Variants in CACNA1D observed in about 807,000 individuals in gnomAD.
CACNA1D encodes calcium voltage-gated channel subunit alpha1 D.
CACNA1D carries 55 observed loss-of-function variants against 257.1 expected under a neutral mutation model. That is an observed-to-expected ratio of 0.21 (90% CI 0.17 to 0.27). The LOEUF is 0.27. CACNA1D is among the 10% of genes least tolerant of loss of function. CACNA1D has a pLI of 1.00. For synonymous variants in CACNA1D, 980 were observed against 1,014.9 expected (o/e 0.97, Z 0.65); for missense variants, 1,876 against 2,784.0 (o/e 0.67, Z 7.34).
chr3:53,527,929 G>A (rs887713830), intron 3 of CACNA1D, among the ~76,000 whole-genome samples: 4 of 152,010 alleles, frequency 2.6e-5, no homozygotes, highest in Non-Finnish European at 5.9e-5. Flanking sequence ...AGAACTTCTG[G>A]AATCATTCTG....
chr3:53,648,648 G>C (rs1226419560), intron 3 of CACNA1D, among the ~76,000 whole-genome samples: 1 of 152,084 alleles, frequency 6.6e-6, no homozygotes, highest in African/African-American at 2.4e-5. Context: ...TCGTAGCTCT[G>C]AGCGTGGCAT....
In CACNA1D at chr3:53,789,741, C is replaced by T. The variant is rs114483506; in HGVS notation, c.4923+2789C>T. On this transcript the variant is annotated intron_variant, in intron 40 of 47. Coordinates refer to ENST00000350061, the MANE Select transcript of CACNA1D (RefSeq NM_001128840.3). The surrounding 1 kb of genome is among the most constrained non-coding windows in gnomAD (Gnocchi z 4.2). Reference sequence around the variant, plus strand: ...CCTAGGCATGTGCGTGCTTGTGCTGCGTAGGGTGCAGTCTGTCTGAACAGC... The same window carrying T: ...CCTAGGCATGTGCGTGCTTGTGCTGTGTAGGGTGCAGTCTGTCTGAACAGC... 8.5e-3 allele frequency among the ~76,000 whole-genome samples: 1,288 copies of T among 152,350 alleles called. 8 individuals are homozygous for T. The highest frequency in any genetic ancestry group is 0.013 in the Non-Finnish European group (886 of 68,032).
chr3:53,781,490 C>A, intron 38 of CACNA1D, 76 bp from the exon 39 acceptor site: 1 of 960,186 alleles, frequency 1.0e-6, no homozygotes, highest in Non-Finnish European at 1.7e-6. Context: ...CAGGCTGGGA[C>A]AAGGCTGTGC....
intron 42 of CACNA1D, 33 bp from the exon 43 acceptor site, chr3:53,802,114 C>T: frequency 1.9e-6 from 3 of 1,570,630 alleles, no homozygotes; most frequent in Non-Finnish European, 2.6e-6. Context: ...TTTATCTTCT[C>T]CCTCCTTCCC....
chr3:53,723,364 T>C lies in CACNA1D; in HGVS notation c.1667-70T>C, dbSNP rs534802821. On this transcript the variant is annotated intron_variant, in intron 12 of 47. Transcript: ENST00000350061. This position sits in a 1 kb window ranked among gnomAD's most constrained non-coding sequence, Gnocchi z 5.6. ...CTGTGGGGCCTGATAGGGAGGGAGG[T>C]GTGAGGGGCACGAGCAGTCTGAGTG... 1.1e-4 allele frequency: 119 copies of C among 1,065,734 alleles called. 2 individuals carry two copies. The Admixed American group carries it at 1.3e-3, about 12-fold the overall frequency. 66.0% of individuals were successfully genotyped at this position (1,065,734 alleles called of 1,614,324 possible).
rs2090299374 is a variant in CACNA1D at position 53,495,373 on chromosome 3, AGG to A, written c.67+143_67+144del. 1 of 954,102 alleles carries A rather than the reference AGG, an allele frequency of 1.0e-6. No individual in the cohort carries two copies. Among genetic ancestry groups the A allele is most frequent in the African/African-American group, 1.6e-5 (1 of 62,360 alleles). 59.1% of individuals were successfully genotyped at this position (954,102 alleles called of 1,614,324 possible). A position where few individuals can be genotyped will look rare whatever the true frequency, so the allele number is the denominator to read the frequency against. ...CCAGCTCGGTGTCGTCTACACAGAGAGGGGACATGCGTGACAGCCACTCCGCG... is the reference window on the plus strand; with the variant it reads ...CCAGCTCGGTGTCGTCTACACAGAGAGGACATGCGTGACAGCCACTCCGCG... On this transcript the variant is annotated intron_variant, in intron 1 of 47. Coordinates refer to ENST00000350061, the MANE Select transcript of CACNA1D (RefSeq NM_001128840.3). The surrounding 1 kb of genome is among the most constrained non-coding windows in gnomAD (Gnocchi z 5.1).
chr3:53,661,890 C>T (rs927905021), intron 5 of CACNA1D, among the ~76,000 whole-genome samples: 5 of 152,298 alleles, frequency 3.3e-5, no homozygotes, highest in Admixed American at 2.0e-4. Flanking sequence ...TAACTCTCCC[C>T]CAGGTCAGCA....
intron 37 of CACNA1D, among the ~76,000 whole-genome samples, chr3:53,777,651 C>T (rs1001037602): frequency 3.3e-5 from 5 of 152,162 alleles, no homozygotes; most frequent in Admixed American, 2.6e-4. Context: ...GTGTTCCACA[C>T]GTCCCCTCTG....
chr3:53,711,167 A>C (rs1576427075), intron 9 of CACNA1D, among the ~76,000 whole-genome samples: 1 of 152,242 alleles, frequency 6.6e-6, no homozygotes, highest in South Asian at 2.1e-4. Flanking sequence ...GGATTGCATA[A>C]GCCCAGGAGT....
At position 53,812,963 on chromosome 3, in the gene CACNA1D, TG is replaced by T. The variant is rs1345184891; in HGVS notation, c.*1558del. 1 of 152,206 alleles carries T rather than the reference TG, an allele frequency of 6.6e-6. No homozygotes were observed. Among genetic ancestry groups the T allele is most frequent in the African/African-American group, 2.4e-5 (1 of 41,450 alleles). 9.4% of individuals were successfully genotyped at this position (152,206 alleles called of 1,614,324 possible). On this transcript the variant is annotated 3_prime_UTR_variant, in exon 48 of 48. Coordinates refer to ENST00000350061, the MANE Select transcript of CACNA1D (RefSeq NM_001128840.3). ...CTCACACTCTGACTGTACGTCCTGA[TG>T]AAAACCCACTTTTGGATAATTAGAA...
chr3:53,499,325 C>CT (rs1177589155), intron 2 of CACNA1D, among the ~76,000 whole-genome samples: 2 of 151,526 alleles, frequency 1.3e-5, no homozygotes, highest in African/African-American at 2.4e-5. Flanking sequence ...TTTTTTTTCT[C>CT]TTTTTTTAAT....
At position 53,497,320 on chromosome 3, in the gene CACNA1D, C is replaced by T; in HGVS notation, c.236C>T (p.Ser79Phe). ...MSTSAPPPVG[S>F]LSQRKRQQYA... ...ACCTCTGCACCCCCACCTGTAGGAT[C>T]TCTCTCCCAAAGAAAACGTCAGCAA... Residue 79 changes from serine (S) to phenylalanine (F), a missense_variant, in exon 2 of 48, where the codon TCT becomes TTT. This residue lies in a region of CACNA1D where 143 missense variants were observed against 168.7 expected (regional missense o/e 0.85). Coordinates refer to ENST00000350061, the MANE Select transcript of CACNA1D (RefSeq NM_001128840.3). 6.2e-7 allele frequency: 1 copy of T among 1,614,164 alleles called. No individual in the cohort carries two copies. Among genetic ancestry groups the T allele is most frequent in the South Asian group, 1.1e-5 (1 of 91,074 alleles).
rs1410499938 is a variant in CACNA1D at position 53,740,689 on chromosome 3, A to G, written c.2811+350A>G. Among the ~76,000 whole-genome samples, 4 of 150,124 alleles carry G rather than the reference A, an allele frequency of 2.7e-5. No individual in the cohort carries two copies. In the South Asian group the frequency reaches 8.4e-4, roughly 31 times the overall value. On this transcript the variant is annotated intron_variant, in intron 21 of 47. Transcript: ENST00000350061. Reference sequence around the variant, plus strand: ...CTCTTTTTAACCTTTGAATGCATGTAGGAGCCACTCTGGCTTCATGATAGT... The same window carrying G: ...CTCTTTTTAACCTTTGAATGCATGTGGGAGCCACTCTGGCTTCATGATAGT...
intron 40 of CACNA1D, among the ~76,000 whole-genome samples, chr3:53,788,823 C>G (rs963745023): frequency 6.6e-6 from 1 of 152,166 alleles, no homozygotes; most frequent in African/African-American, 2.4e-5. Context: ...AGCAGGTTAG[C>G]TAGGTACCAT....
rs2278518 is a variant in CACNA1D at position 53,770,774 on chromosome 3, C to T, written c.4044+222C>T. 0.59 allele frequency among the ~76,000 whole-genome samples: 89,098 copies of T among 152,050 alleles called. 26,784 individuals carry two copies. Among genetic ancestry groups the T allele is most frequent in the Non-Finnish European group, 0.65 (44,223 of 67,954 alleles). Reference sequence around the variant, plus strand: ...AACAGAAGAGAAAGCAGGAAGGATCCGTAGCTGAGAGATCTGTAGCATTTC... The same window carrying T: ...AACAGAAGAGAAAGCAGGAAGGATCTGTAGCTGAGAGATCTGTAGCATTTC... On this transcript the variant is annotated intron_variant, in intron 32 of 47. Coordinates refer to ENST00000350061, the MANE Select transcript of CACNA1D (RefSeq NM_001128840.3).
In CACNA1D at chr3:53,722,328, G is replaced by A. The variant is rs759521891; in HGVS notation, c.1520G>A (p.Arg507His). 18 of 1,614,188 alleles carry A rather than the reference G, an allele frequency of 1.1e-5. No homozygotes were observed. Among genetic ancestry groups the A allele is most frequent in the Middle Eastern group, 3.3e-4 (2 of 6,054 alleles). Residue 507 changes from arginine (R) to histidine (H), a missense_variant, in exon 12 of 48, where the codon CGC becomes CAC. Arg to His is a conservative substitution (Grantham distance 29, BLOSUM62 0). Transcript: ENST00000350061. ...TTGTCTTTTAGCCGACGCTGGCGTC[G>A]CTGGAACCGATTCAATCGCAGAAGA... ...SKSKLSRRWRRWNRFNRRRCR... is the reference protein window; with the variant it reads ...SKSKLSRRWRHWNRFNRRRCR...
rs940664457 is a variant in CACNA1D at position 53,726,980 on chromosome 3, C to T, written c.2202C>T (p.Ile734=). The T allele has an allele frequency of 3.7e-6, 6 of 1,614,034 alleles. No individual in the cohort carries two copies. The African/African-American group carries it at 6.7e-5, about 18-fold the overall frequency. Residue 734 remains isoleucine (I), a synonymous_variant, in exon 15 of 48, where the codon ATC becomes ATT. Coordinates refer to ENST00000350061, the MANE Select transcript of CACNA1D (RefSeq NM_001128840.3). ...TGATCGTCTGCATCTACTTCATCAT[C>T]CTCTTCATTTGTGGTAACTGTATCC... ...SGMIVCIYFI[I]LFICGNYILL...
At chr3:53,773,071 G>A (rs1333023806) in intron 33 of CACNA1D, among the ~76,000 whole-genome samples, 173 bp downstream of exon 33, 2 of 152,248 alleles carry the variant, frequency 1.3e-5, no homozygotes, top group Non-Finnish European at 2.9e-5. Flanking sequence ...AGCTCCAGGG[G>A]AGGCCCAGGC....
At chr3:53,525,035 T>A (rs928367365) in intron 3 of CACNA1D, among the ~76,000 whole-genome samples, 1 of 152,136 alleles carries the variant, frequency 6.6e-6, no homozygotes, top group African/African-American at 2.4e-5. Flanking sequence ...CCTCCCTCAC[T>A]CTCTCCTTCA....
Sources: allele counts gnomAD v4.1 joint callset (sites outside exome capture counted in the v4.1 genomes callset), GRCh38; gene constraint gnomAD v4.1.1; regional missense constraint gnomAD v4.1.1; non-coding constraint Gnocchi (gnomAD v3.1); transcripts MANE v1.5; gene names NCBI Gene and HGNC (gene_info 2026-07-23, HGNC 2026-07-21).